SKP1: variants seen among roughly 807,000 people sequenced by gnomAD.
The protein encoded by SKP1 is S-phase kinase-associated protein 1.
A neutral mutation model predicts 21.5 loss-of-function variants in SKP1; 1 was observed. The ratio of observed to expected loss-of-function variants is 0.05; its 90% CI spans 0.02 to 0.22. SKP1 has a LOEUF of 0.22. Among genes scored for constraint, SKP1 ranks in the 10% least tolerant of loss-of-function variants. SKP1 has a pLI of 1.00. For synonymous variants in SKP1, 59 were observed against 59.3 expected (o/e 0.99, Z 0.03); for missense variants, 70 against 192.0 (o/e 0.36, Z 3.76).
rs1283351802 is a variant in SKP1 at position 134,157,643 on chromosome 5, C to T, written c.*90G>A. ...ATTGACTTGCTGCTGCATTTGTCTA[C>T]TGTTTGTCTAATATTAACAATTATA... On this transcript the variant is annotated 3_prime_UTR_variant, in exon 6 of 6. Transcript: ENST00000353411. The T allele has an allele frequency of 3.8e-6, 4 of 1,056,444 alleles. No individual in the cohort carries two copies. Among genetic ancestry groups the T allele is most frequent in the African/African-American group, 1.6e-5 (1 of 64,090 alleles). The allele number at this position is 1,056,444 out of a possible 1,614,324, so 65.4% of individuals were successfully genotyped here.
intron 3 of SKP1, chr5:134,161,391 A>C (rs1761215766): frequency 3.2e-6 from 1 of 309,914 alleles, no homozygotes; most frequent in Non-Finnish European, 5.9e-6. Context: ...CAAAAAGAAA[A>C]GTTAGGACAA....
chr5:134,173,567 C>T, intron 2 of SKP1: 1 of 370,592 alleles, frequency 2.7e-6, no homozygotes, highest in Non-Finnish European at 5.2e-6. Flanking sequence ...GTGTTCTATT[C>T]AGCCACCATT....
chr5:134,172,943 C>A (rs1460381515), intron 2 of SKP1, among the ~76,000 whole-genome samples: 1 of 147,302 alleles, frequency 6.8e-6, no homozygotes, highest in Non-Finnish European at 1.5e-5. Flanking sequence ...ACCCGGGGGG[C>A]AGAGGTTGCA....
intron 2 of SKP1, chr5:134,173,371 G>C (rs1580623809): frequency 5.2e-6 from 1 of 191,160 alleles, no homozygotes; most frequent in East Asian, 1.3e-4. Flanking sequence ...CGTGCCTGTA[G>C]TCCCAGTTAT....
intron 2 of SKP1, chr5:134,171,043 G>C (rs773643551): frequency 4.4e-6 from 2 of 455,952 alleles, no homozygotes; most frequent in Non-Finnish European, 8.8e-6. Context: ...CAGTGACTGT[G>C]GGATGTACCA....
intron 4 of SKP1, among the ~76,000 whole-genome samples, chr5:134,158,989 T>C (rs915476563): frequency 5.3e-5 from 8 of 152,250 alleles, no homozygotes; most frequent in African/African-American, 1.2e-4. Flanking sequence ...TTTGGTTTCA[T>C]TGACTTTATT....
In SKP1 at chr5:134,161,122, C is replaced by A; in HGVS notation, c.180G>T (p.Gln60His). ...GGTCATCCTTGTGGTGGGTGCACCA[C>A]TGAATGACCTACAACAACAAAAGTT... is the stretch of plus-strand genomic sequence containing the variant. The part of the protein sequence containing the change: ...VNAAILKKVI[Q>H]WCTHHKDDPP... Residue 60 changes from glutamine (Q) to histidine (H), a missense_variant, in exon 4 of 6, where the codon CAG becomes CAT. Coordinates refer to ENST00000353411, the MANE Select transcript of SKP1 (RefSeq NM_170679.3). The A allele has an allele frequency of 6.2e-7, 1 of 1,608,054 alleles. No homozygotes were observed. Among genetic ancestry groups the A allele is most frequent in the Non-Finnish European group, 8.5e-7 (1 of 1,176,958 alleles).
intron 2 of SKP1, among the ~76,000 whole-genome samples, chr5:134,171,762 C>T (rs578158381): frequency 6.6e-6 from 1 of 152,300 alleles, no homozygotes; most frequent in South Asian, 2.1e-4. Context: ...AATATCACCT[C>T]GGCTGGGCTT....
chr5:134,176,441 G>A (rs530518093), intron 1 of SKP1, among the ~76,000 whole-genome samples: 13 of 152,204 alleles, frequency 8.5e-5, no homozygotes, highest in African/African-American at 2.9e-4. Flanking sequence ...CCACGCTCAC[G>A]ACAGCCAAGG....
In SKP1 at chr5:134,151,484, G is replaced by C; in HGVS notation, c.*6249C>G. The C allele has an allele frequency of 3.1e-6, 1 of 323,740 alleles. No individual in the cohort carries two copies. Among genetic ancestry groups the C allele is most frequent in the Non-Finnish European group, 6.2e-6 (1 of 160,110 alleles). 20.1% of individuals were successfully genotyped at this position (323,740 alleles called of 1,614,324 possible). A position where few individuals can be genotyped will look rare whatever the true frequency, so the allele number is the denominator to read the frequency against. On this transcript the variant is annotated 3_prime_UTR_variant, in exon 6 of 6. Transcript: ENST00000353411. ...AGAGGTTGTGAAATGGTACATTCAG[G>C]AAAGAAAGGACAAATAAGAATTTTC...
At chr5:134,173,579 T>C (rs1488578116) in intron 2 of SKP1, 3 of 385,244 alleles carry the variant, frequency 7.8e-6, no homozygotes, top group African/African-American at 2.1e-5. Flanking sequence ...GCCACCATTA[T>C]AGGACGGTAT....
At chr5:134,157,948 T>C (rs765335372) in intron 5 of SKP1, 180 bp from the exon 6 acceptor site, 1 of 1,528,702 alleles carries the variant, frequency 6.5e-7, no homozygotes, top group Non-Finnish European at 8.8e-7. Context: ...CCCATGGTTT[T>C]TATTCTGCCC....
intron 3 of SKP1, among the ~76,000 whole-genome samples, chr5:134,166,877 G>A: frequency 6.6e-6 from 1 of 152,172 alleles, no homozygotes; most frequent in East Asian, 1.9e-4. Flanking sequence ...CTGCGATCCA[G>A]ATATTCTACA....
Position 134,157,136 on chromosome 5 carries a change from T to C in SKP1, c.*597A>G, listed in dbSNP as rs1444105644. 6.6e-6 allele frequency: 1 copy of C among 152,598 alleles called. No individual in the cohort carries two copies. Among genetic ancestry groups the C allele is most frequent in the Non-Finnish European group, 1.5e-5 (1 of 68,060 alleles). The allele number at this position is 152,598 out of a possible 1,614,324, so 9.5% of individuals were successfully genotyped here. On this transcript the variant is annotated 3_prime_UTR_variant, in exon 6 of 6. Transcript: ENST00000353411. Reference sequence around the variant, plus strand: ...GTAGTAACTGAGTCTCTAGGCAATATATTTAAAACTAAGAGGATTAAAAAT... The same window carrying C: ...GTAGTAACTGAGTCTCTAGGCAATACATTTAAAACTAAGAGGATTAAAAAT...
At chr5:134,162,890 T>C (rs1020881226) in intron 3 of SKP1, among the ~76,000 whole-genome samples, 16 of 151,798 alleles carry the variant, frequency 1.1e-4, no homozygotes, top group African/African-American at 3.6e-4. Flanking sequence ...CTGGGCAATA[T>C]AGAGACACCC....
chr5:134,167,256 G>C lies in SKP1; in HGVS notation c.98-13C>G, dbSNP rs9327679. ...TCCATTCCCAAATCTAAGAAAACCA[G>C]AAGAAAGTTTCTATTTCCTAATTCC... On this transcript the variant is annotated splice_polypyrimidine_tract_variant and intron_variant, in intron 2 of 5. Transcript: ENST00000353411. 18,384 of 1,556,630 alleles carry C rather than the reference G, an allele frequency of 0.012. 969 individuals are homozygous for C. The African/African-American group carries it at 0.16, about 13-fold the overall frequency.
intron 2 of SKP1, 87 bp from the exon 3 acceptor site, chr5:134,167,330 GC>G (rs2149375723): frequency 4.7e-6 from 4 of 843,420 alleles, no homozygotes; most frequent in Middle Eastern, 2.3e-4. Flanking sequence ...ATAAGAGTCA[GC>G]CCCCATATCC....
intron 2 of SKP1, among the ~76,000 whole-genome samples, chr5:134,172,508 C>T (rs1476941293): frequency 6.6e-6 from 1 of 151,570 alleles, no homozygotes; most frequent in African/African-American, 2.4e-5. Flanking sequence ...CTTCCTTATG[C>T]TGCATATATA....
chr5:134,155,920 A>C lies in SKP1; in HGVS notation c.*1813T>G, dbSNP rs1761112919. The C allele has an allele frequency of 6.6e-6, 1 of 151,932 alleles. No individual in the cohort carries two copies. Among genetic ancestry groups the C allele is most frequent in the African/African-American group, 2.4e-5 (1 of 41,328 alleles). The allele number at this position is 151,932 out of a possible 1,614,324, so 9.4% of individuals were successfully genotyped here. A position where few individuals can be genotyped will look rare whatever the true frequency, so the allele number is the denominator to read the frequency against. On this transcript the variant is annotated 3_prime_UTR_variant, in exon 6 of 6. Coordinates refer to ENST00000353411, the MANE Select transcript of SKP1 (RefSeq NM_170679.3). Reference sequence around the variant, plus strand: ...AGCCATCTTCCCACCTCAGCCTCTCAAGTAGTTGGGATTATAGGCATGCAC... The same window carrying C: ...AGCCATCTTCCCACCTCAGCCTCTCCAGTAGTTGGGATTATAGGCATGCAC...
Sources: allele counts gnomAD v4.1 joint callset (sites outside exome capture counted in the v4.1 genomes callset), GRCh38; gene constraint gnomAD v4.1.1; transcripts MANE v1.5; gene names NCBI Gene and HGNC (gene_info 2026-07-23, HGNC 2026-07-21).